The following ME2 variants were observed in gnomAD, a reference collection of about 807,000 sequenced individuals.
The protein encoded by ME2 is NAD-dependent malic enzyme, mitochondrial.
A neutral mutation model predicts 73.7 loss-of-function variants in ME2; 60 were observed. The ratio of observed to expected loss-of-function variants is 0.81; its 90% CI spans 0.66 to 1.01. ME2 has a LOEUF of 1.01. Among genes scored for constraint, ME2 ranks in the 50% least tolerant of loss-of-function variants. ME2 has a pLI of 0.00. For missense variants in ME2, 594 were observed against 705.5 expected (o/e 0.84, Z 1.79); for synonymous variants, 199 against 236.9 (o/e 0.84, Z 1.47).
Position 50,910,268 on chromosome 18 carries a change from C to CAAAAA in ME2, c.242+2092_242+2096dup, listed in dbSNP as rs74176794. 2.6e-3 allele frequency among the ~76,000 whole-genome samples: 91 copies of CAAAAA among 35,164 alleles called. 6 individuals carry two copies. Among genetic ancestry groups the CAAAAA allele is most frequent in the African/African-American group, 6.4e-3 (53 of 8,230 alleles). The allele number at this position is 35,164 out of a possible 152,430, so 23.1% of individuals were successfully genotyped here. ...GCAACAGAGTGGGACCCTGTTTCTA[C>CAAAAA]AAAAAAAAAAAAAAAAAAAAAAAAG... On this transcript the variant is annotated intron_variant, in intron 3 of 15. Coordinates refer to ENST00000321341, the MANE Select transcript of ME2 (RefSeq NM_002396.5).
chr18:50,936,528 A>AAT (rs1385969184), intron 13 of ME2, among the ~76,000 whole-genome samples: 1 of 152,182 alleles, frequency 6.6e-6, no homozygotes, highest in African/African-American at 2.4e-5. Flanking sequence ...GATTTTGAAA[A>AAT]ATATATATAG....
At chr18:50,943,552 C>T (rs1270493340) in intron 15 of ME2, among the ~76,000 whole-genome samples, 2 of 152,102 alleles carry the variant, frequency 1.3e-5, no homozygotes, top group African/African-American at 2.4e-5. Flanking sequence ...GATCTGCCCA[C>T]CTTGGCCTCC....
At chr18:50,886,491 A>AC (rs895124240) in intron 1 of ME2, among the ~76,000 whole-genome samples, 7 of 151,826 alleles carry the variant, frequency 4.6e-5, no homozygotes, top group Non-Finnish European at 4.4e-5. Context: ...TGATCCGCTC[A>AC]CCTCAGCCTC....
rs569670982 is a variant in ME2, at chr18:50,926,732, G to T, written c.1314+834G>T. 2.5e-4 allele frequency among the ~76,000 whole-genome samples: 38 copies of T among 151,996 alleles called. No individual in the cohort carries two copies. In the South Asian group the frequency reaches 7.7e-3, roughly 31 times the overall value. On this transcript the variant is annotated intron_variant, in intron 12 of 15. Transcript: ENST00000321341. ...TGTTTCAATCTGGTGATTTCCTTTGGCCCTATTTTCCAGTTTGCAGATTCT... is the reference window on the plus strand; with the variant it reads ...TGTTTCAATCTGGTGATTTCCTTTGTCCCTATTTTCCAGTTTGCAGATTCT...
chr18:50,881,049 A>G (rs1916308273), intron 1 of ME2, among the ~76,000 whole-genome samples: 1 of 152,212 alleles, frequency 6.6e-6, no homozygotes, highest in Non-Finnish European at 1.5e-5. Context: ...TCTCTTTAAG[A>G]CGGAGTTTTG....
At chr18:50,913,544 G>T (rs180940896) in intron 4 of ME2, among the ~76,000 whole-genome samples, 7 of 152,112 alleles carry the variant, frequency 4.6e-5, no homozygotes, top group African/African-American at 1.7e-4. Context: ...TGTTGGCTGG[G>T]CTGGTCTTGA....
intron 1 of ME2, among the ~76,000 whole-genome samples, chr18:50,889,105 A>C (rs1916548274): frequency 6.6e-6 from 1 of 152,152 alleles, no homozygotes; most frequent in South Asian, 2.1e-4. Context: ...ACTAGGTCTT[A>C]TTCCTTCTGT....
chr18:50,895,842 G>T lies in ME2; in HGVS notation c.22G>T (p.Val8Phe). The T allele has an allele frequency of 6.2e-7, 1 of 1,612,996 alleles. No homozygotes were observed. The highest frequency in any genetic ancestry group is 8.5e-7 in the Non-Finnish European group (1 of 1,179,838). The stretch of plus-strand genomic sequence containing the variant: ...AAAGATGTTGTCCCGGTTAAGAGTA[G>T]TTTCCACCACTTGTACTTTGGCATG... MLSRLRV[V>F]STTCTLACRH... Residue 8 changes from valine (V) to phenylalanine (F), a missense_variant, in exon 2 of 16, where the codon GTT becomes TTT. By Grantham distance (50) the Val-to-Phe change is conservative. Coordinates refer to ENST00000321341, the MANE Select transcript of ME2 (RefSeq NM_002396.5).
intron 1 of ME2, among the ~76,000 whole-genome samples, chr18:50,892,575 T>A (rs1027645337): frequency 6.6e-6 from 1 of 152,342 alleles, no homozygotes; most frequent in Admixed American, 6.5e-5. Flanking sequence ...ATTTTATAAT[T>A]TGTATTAGTA....
intron 3 of ME2, among the ~76,000 whole-genome samples, 156 bp downstream of exon 3, chr18:50,908,352 G>T (rs1474736992): frequency 1.3e-5 from 2 of 152,074 alleles, no homozygotes; most frequent in Non-Finnish European, 2.9e-5. Context: ...TTTCACTTCG[G>T]TGAATACTTC....
At chr18:50,936,417 T>C (rs923312927) in intron 13 of ME2, among the ~76,000 whole-genome samples, 19 of 152,028 alleles carry the variant, frequency 1.2e-4, no homozygotes, top group Admixed American at 1.0e-3. Context: ...ATAGAAACCC[T>C]AAGGTGTAGG....
chr18:50,880,653 A>G (rs1222517638), intron 1 of ME2, among the ~76,000 whole-genome samples: 4 of 152,140 alleles, frequency 2.6e-5, no homozygotes, highest in Non-Finnish European at 4.4e-5. Flanking sequence ...CCTGACCTCA[A>G]GTGATCTACC....
At chr18:50,901,161 G>A (rs1320831550) in intron 2 of ME2, among the ~76,000 whole-genome samples, 1 of 152,146 alleles carries the variant, frequency 6.6e-6, no homozygotes, top group Non-Finnish European at 1.5e-5. Flanking sequence ...GTCTAAACAA[G>A]CATTTGAGTG....
At chr18:50,943,562 C>T (rs1222047394) in intron 15 of ME2, among the ~76,000 whole-genome samples, 1 of 152,012 alleles carries the variant, frequency 6.6e-6, no homozygotes, top group Non-Finnish European at 1.5e-5. Context: ...CCTTGGCCTC[C>T]CAAAGTGCTG....
chr18:50,893,785 C>T (rs918867793), intron 1 of ME2, among the ~76,000 whole-genome samples: 4 of 152,196 alleles, frequency 2.6e-5, no homozygotes, highest in African/African-American at 9.6e-5. Flanking sequence ...CCATTTTCTA[C>T]ATTCTTTGTC....
chr18:50,940,516 A>G, intron 15 of ME2, 130 bp downstream of exon 15: 2 of 649,864 alleles, frequency 3.1e-6, no homozygotes, highest in South Asian at 4.1e-5. Flanking sequence ...CCATATTCTT[A>G]CTACCAGAAT....
rs187922324 is a variant in ME2, at chr18:50,914,765, C to G, written c.393-1403C>G. On this transcript the variant is annotated intron_variant, in intron 4 of 15. Transcript: ENST00000321341. The stretch of plus-strand genomic sequence containing the variant: ...TAAGATACCAATGAGAAAGTTAAAC[C>G]TAAGATCAGTTTGACAGCAATGAGG... 1.4e-3 allele frequency among the ~76,000 whole-genome samples: 210 copies of G among 152,260 alleles called. 1 individual carries two copies. The highest frequency in any genetic ancestry group is 3.4e-3 in the Middle Eastern group (1 of 292).
intron 1 of ME2, among the ~76,000 whole-genome samples, chr18:50,886,276 C>T (rs1307122494): frequency 2.0e-5 from 3 of 147,884 alleles, no homozygotes; most frequent in Non-Finnish European, 4.5e-5. Context: ...TGGAGTCTCA[C>T]TCCGTTGCCC....
At chr18:50,903,104 T>G (rs1296343043) in intron 2 of ME2, among the ~76,000 whole-genome samples, 1 of 151,972 alleles carries the variant, frequency 6.6e-6, no homozygotes, top group Non-Finnish European at 1.5e-5. Context: ...GTTGCATAGA[T>G]GAGAAAAAGG....
Sources: allele counts gnomAD v4.1 joint callset (sites outside exome capture counted in the v4.1 genomes callset), GRCh38; gene constraint gnomAD v4.1.1; transcripts MANE v1.5; gene names NCBI Gene and HGNC (gene_info 2026-07-23, HGNC 2026-07-21).